Variants in TFAP2B observed in about 807,000 individuals in gnomAD.
TFAP2B encodes transcription factor AP-2 beta, also known as transcription factor AP-2-beta.
In TFAP2B, 9 loss-of-function variants were observed where a neutral mutation model predicts 44.3. That is an observed-to-expected ratio of 0.20 (90% confidence interval 0.12 to 0.35). The LOEUF is 0.35. Among genes scored for constraint, TFAP2B ranks in the 10% least tolerant of loss-of-function variants. The pLI is 1.00. For missense variants in TFAP2B, 509 were observed against 600.0 expected, an observed-to-expected ratio of 0.85 and a Z score of 1.59; for synonymous variants, 270 against 263.8, an observed-to-expected ratio of 1.02 and a Z score of -0.23.
intron 1 of TFAP2B, 80 bp downstream of exon 1, chr6:50,819,052 T>C (rs1581802885): frequency 1.5e-6 from 2 of 1,346,262 alleles, no homozygotes; most frequent in East Asian, 2.3e-5. Context: ...ATGATATATA[T>C]TTTTAAGCTA....
At chr6:50,828,701 A>C in intron 3 of TFAP2B, 22 bp downstream of exon 3, 1 of 1,613,566 alleles carries the variant, frequency 6.2e-7, no homozygotes, top group Non-Finnish European at 8.5e-7. Context: ...TCCCCCCAAA[A>C]AGTAAGCAAA....
At chr6:50,821,365 G>C (rs1361793726) in intron 1 of TFAP2B, among the ~76,000 whole-genome samples, 2 of 152,144 alleles carry the variant, frequency 1.3e-5, no homozygotes, top group African/African-American at 4.8e-5. Flanking sequence ...CCACCAATTT[G>C]CCTTTCTCTC....
chr6:50,819,004 C>T (rs781168856), intron 1 of TFAP2B, 32 bp downstream of exon 1: 1 of 1,586,316 alleles, frequency 6.3e-7, no homozygotes, highest in Non-Finnish European at 8.7e-7. Flanking sequence ...CACCTTAGAG[C>T]TTTGCAGATA....
intron 2 of TFAP2B, among the ~76,000 whole-genome samples, chr6:50,825,543 A>T (rs1447358236): frequency 1.3e-5 from 2 of 152,216 alleles, no homozygotes; most frequent in African/African-American, 4.8e-5. Flanking sequence ...TAAAGAAATA[A>T]TTGAGAGAGG....
rs751631250 is a variant in TFAP2B at position 50,823,665 on chromosome 6, G to A, written c.340G>A (p.Val114Met). Residue 114 changes from valine (V) to methionine (M), a missense_variant, in exon 2 of 7, where the codon GTG (valine) becomes ATG (methionine). Val to Met is a conservative substitution (Grantham distance 21). This residue lies in a region of TFAP2B where 296 missense variants were observed against 308.2 expected (regional missense o/e 0.96). Coordinates refer to ENST00000393655, the MANE Select transcript of TFAP2B (RefSeq NM_003221.4). ...HPWGQRQRQEVGSEAGSLLPQ... is the reference protein window; with the variant it reads ...HPWGQRQRQEMGSEAGSLLPQ... The stretch of plus-strand genomic sequence containing the variant: ...CTGGGGGCAACGGCAGCGGCAAGAA[G>A]TGGGTTCGGAAGCCGGCTCTCTCCT... The A allele has an allele frequency of 1.9e-6, 3 of 1,614,046 alleles. No individual in the cohort carries two copies. Among genetic ancestry groups the A allele is most frequent in the Non-Finnish European group, 1.7e-6 (2 of 1,179,976 alleles).
At chr6:50,842,881 A>AG (rs917832505) in intron 6 of TFAP2B, among the ~76,000 whole-genome samples, 20 of 152,202 alleles carry the variant, frequency 1.3e-4, no homozygotes, top group African/African-American at 4.6e-4. Flanking sequence ...TTGGGGTGGA[A>AG]GGGGTGCATT....
chr6:50,823,441 G>T lies in TFAP2B; in HGVS notation c.116G>T (p.Arg39Leu), dbSNP rs745934693. ...GATGGTGTCCCGAGCCACAGCTCGC[G>T]GCTCTCCCAGCTGGGCTCGGTGTCC... ...RHDGVPSHSS[R>L]LSQLGSVSQG... The change falls in exon 2 of 7, where the codon CGG (arginine) becomes CTG (leucine). Residue 39 changes from arginine (R) to leucine (L), a missense_variant. Physicochemically the swap from Arg to Leu is moderately radical, Grantham distance 102. Transcript: ENST00000393655. The T allele has an allele frequency of 5.0e-6, 8 of 1,606,474 alleles. No homozygotes were observed. The highest frequency in any genetic ancestry group is 4.2e-6 in the Non-Finnish European group (5 of 1,176,920).
chr6:50,820,920 G>T (rs1235319378), intron 1 of TFAP2B, among the ~76,000 whole-genome samples: 1 of 151,592 alleles, frequency 6.6e-6, no homozygotes, highest in African/African-American at 2.4e-5. Flanking sequence ...AGGGAAGAGA[G>T]AAGAGAAAAG....
At chr6:50,826,647 TAC>T (rs778245374) in intron 2 of TFAP2B, among the ~76,000 whole-genome samples, 1 of 150,394 alleles carries the variant, frequency 6.6e-6, no homozygotes, top group Non-Finnish European at 1.5e-5. Flanking sequence ...GGAAAACACC[TAC>T]AGAGAGAGAG....
At position 50,847,220 on chromosome 6, in the gene TFAP2B, A is replaced by G. The variant is rs1762867851; in HGVS notation, c.*3828A>G. ...AAAGTATCAATTTTTTTTTAACGGAATGAACACTATCCTTCTTTAAATGCC... is the reference window on the plus strand; with the variant it reads ...AAAGTATCAATTTTTTTTTAACGGAGTGAACACTATCCTTCTTTAAATGCC... On this transcript the variant is annotated 3_prime_UTR_variant, in exon 7 of 7. Coordinates refer to ENST00000393655, the MANE Select transcript of TFAP2B (RefSeq NM_003221.4). 2 of 152,224 alleles carry G rather than the reference A, an allele frequency of 1.3e-5. No individual in the cohort carries two copies. Among genetic ancestry groups the G allele is most frequent in the African/African-American group, 4.8e-5 (2 of 41,370 alleles). 9.4% of individuals were successfully genotyped at this position (152,224 alleles called of 1,614,324 possible).
intron 3 of TFAP2B, 64 bp downstream of exon 3, chr6:50,828,743 A>G (rs1770594659): frequency 6.4e-7 from 1 of 1,557,094 alleles, no homozygotes; most frequent in African/African-American, 1.4e-5. Context: ...TTTATGATGA[A>G]TTTTCACTTT....
At chr6:50,819,877 C>A in intron 1 of TFAP2B, among the ~76,000 whole-genome samples, 2 of 151,564 alleles carry the variant, frequency 1.3e-5, no homozygotes, top group Non-Finnish European at 2.9e-5. Context: ...GTGGGAGAGG[C>A]GGCCGAGGCG....
chr6:50,837,866 C>A (rs1369757869), intron 4 of TFAP2B, 109 bp from the exon 5 acceptor site: 1 of 908,942 alleles, frequency 1.1e-6, no homozygotes. Context: ...AATGTGCTAA[C>A]CTCAAGTTAA....
rs375917495 is a variant in TFAP2B at position 50,823,486 on chromosome 6, C to T, written c.161C>T (p.Ala54Val). The change falls in exon 2 of 7, where the codon GCC (alanine) becomes GTC (valine). Residue 54 changes from alanine to valine, a missense_variant. By Grantham distance (64) the Ala-to-Val change is moderately conservative. Around this residue, in one of 3 missense-constraint regions of TFAP2B, gnomAD observed 296 missense variants for 308.2 expected, o/e 0.96. Transcript: ENST00000393655. ...GSVSQGPYSS[A>V]PPLSHTPSSD... ...GTGTCCCAAGGACCCTACTCGAGCGCCCCGCCGCTGTCCCACACCCCGTCG... is the reference window on the plus strand; with the variant it reads ...GTGTCCCAAGGACCCTACTCGAGCGTCCCGCCGCTGTCCCACACCCCGTCG... 2.5e-6 allele frequency: 4 copies of T among 1,613,034 alleles called. No individual in the cohort carries two copies. In the African/African-American group the frequency reaches 4.0e-5, roughly 16 times the overall value.
In TFAP2B at chr6:50,840,308, T is replaced by G. The variant is rs1762701306; in HGVS notation, c.1082+11T>G. The G allele has an allele frequency of 6.2e-7, 1 of 1,613,126 alleles. No individual in the cohort carries two copies. The highest frequency in any genetic ancestry group is 8.5e-7 in the Non-Finnish European group (1 of 1,180,032). Reference sequence around the variant, plus strand: ...GCTGTTGGCCACCAAGTGAGTTTATTAGACTCTGGGCCCTCATCTCACTCC... The same window carrying G: ...GCTGTTGGCCACCAAGTGAGTTTATGAGACTCTGGGCCCTCATCTCACTCC... On this transcript the variant is annotated intron_variant, in intron 6 of 6. Coordinates refer to ENST00000393655, the MANE Select transcript of TFAP2B (RefSeq NM_003221.4).
At chr6:50,838,510 T>A (rs1762666195) in intron 5 of TFAP2B, among the ~76,000 whole-genome samples, 1 of 152,210 alleles carries the variant, frequency 6.6e-6, no homozygotes, top group East Asian at 1.9e-4. Flanking sequence ...ATGGTTATTT[T>A]AAAACTTTTG....
At chr6:50,840,379 C>T in intron 6 of TFAP2B, 82 bp downstream of exon 6, 1 of 1,560,158 alleles carries the variant, frequency 6.4e-7, no homozygotes, top group Non-Finnish European at 8.8e-7. Flanking sequence ...TGGGGAGGGG[C>T]AGAGAAAGAA....
chr6:50,841,128 G>T (rs1762720360), intron 6 of TFAP2B, among the ~76,000 whole-genome samples: 2 of 152,206 alleles, frequency 1.3e-5, no homozygotes, highest in African/African-American at 4.8e-5. Flanking sequence ...GCCCCTTTCC[G>T]CAGGGTCAAA....
At chr6:50,837,842 AAGG>A (rs1464442565) in intron 4 of TFAP2B, 130 bp from the exon 5 acceptor site, 20 of 798,806 alleles carry the variant, frequency 2.5e-5, no homozygotes, top group Non-Finnish European at 3.8e-5. Flanking sequence ...AAATAACCAA[AAGG>A]AAGGGGGAAA....
Sources: gnomAD v4.1 joint callset for allele counts (sites outside exome capture counted in the v4.1 genomes callset) on GRCh38, gnomAD v4.1.1 for gene constraint, gnomAD v4.1.1 regional missense constraint, MANE v1.5 for transcripts, NCBI Gene and HGNC (gene_info 2026-07-23, HGNC 2026-07-21) for gene names.